The following DSC1 variants were observed in gnomAD, a reference collection of about 807,000 sequenced individuals.
DSC1 encodes the protein desmocollin-1.
DSC1 carries 79 observed loss-of-function variants against 98.8 expected under a neutral mutation model. The observed-to-expected ratio is 0.80, with a 90% confidence interval of 0.67 to 0.96. The LOEUF is 0.96. Ranked by LOEUF, DSC1 falls within the 50% of genes least tolerant of loss-of-function variation. The pLI, the probability that DSC1 is intolerant of heterozygous loss-of-function variation, is 0.00. For missense variants in DSC1, 1,115 were observed against 1,075.9 expected (o/e 1.04, Z -0.51); for synonymous variants, 405 against 372.1 (o/e 1.09, Z -1.02).
rs777440589 is a variant in DSC1, at chr18:31,145,645, A to T, written c.905T>A (p.Val302Asp). ...KHFSIHPDTG[V>D]ITTTTPFLDR... ...CAGAAAAGGTGTAGTTGTGGTGATG[A>T]CACCGGTATCTGGGTGTATGGAGAA... Residue 302 changes from valine to aspartate, a missense_variant, in exon 7 of 16, where the codon GTC becomes GAC. By Grantham distance (152) the Val-to-Asp change is radical (BLOSUM62 -3). Transcript: ENST00000257198. The T allele has an allele frequency of 5.6e-6, 9 of 1,614,152 alleles. No individual in the cohort carries two copies. The highest frequency in any genetic ancestry group is 7.6e-6 in the Non-Finnish European group (9 of 1,180,028).
rs780525930 is a variant in DSC1 at position 31,157,565 on chromosome 18, C to T, written c.157G>A (p.Glu53Lys). 3.7e-5 allele frequency: 59 copies of T among 1,614,022 alleles called. No individual in the cohort carries two copies. Among genetic ancestry groups the T allele is most frequent in the Non-Finnish European group, 4.9e-5 (58 of 1,180,012 alleles). Residue 53 changes from glutamate to lysine, a missense_variant, in exon 3 of 16, where the codon GAG becomes AAG. By Grantham distance (56) the Glu-to-Lys change is moderately conservative. Transcript: ENST00000257198. ...AETLVGKVNL[E>K]ECLKSASLIR... is the part of the protein sequence containing the mutation. The stretch of plus-strand genomic sequence containing the variant: ...AGGCTGGCCGACTTGAGACACTCCT[C>T]CAGATTCACTGCAGGGAAGAAATAT...
rs775869885 is a variant in DSC1, at chr18:31,130,680, T to C, written c.2519A>G (p.His840Arg). 6.2e-7 allele frequency: 1 copy of C among 1,614,196 alleles called. No homozygotes were observed. The highest frequency in any genetic ancestry group is 8.5e-7 in the Non-Finnish European group (1 of 1,180,028). The change falls in exon 16 of 16, where the codon CAT becomes CGT. Residue 840 changes from histidine (H) to arginine (R), a missense_variant. Coordinates refer to ENST00000257198, the MANE Select transcript of DSC1 (RefSeq NM_024421.2). ...ACAAACGTAGTCTTCACAATGTTTATGCTCCTCATCTTGTCCACACAAATA... is the reference window on the plus strand; with the variant it reads ...ACAAACGTAGTCTTCACAATGTTTACGCTCCTCATCTTGTCCACACAAATA... ...KVYLCGQDEE[H>R]KHCEDYVCSY...
intron 6 of DSC1, among the ~76,000 whole-genome samples, chr18:31,147,271 C>T (rs1045185587): frequency 6.6e-6 from 1 of 151,838 alleles, no homozygotes; most frequent in Non-Finnish European, 1.5e-5. Flanking sequence ...TGTATTGAAA[C>T]TTTATAAAGA....
At chr18:31,143,860 C>T in intron 7 of DSC1, 69 bp from the exon 8 acceptor site, 1 of 1,188,770 alleles carries the variant, frequency 8.4e-7, no homozygotes, top group South Asian at 1.8e-5. Flanking sequence ...CTCACAACCA[C>T]TTGTTTAGGC....
At chr18:31,131,416 G>T in intron 15 of DSC1, 178 bp downstream of exon 15, 1 of 877,450 alleles carries the variant, frequency 1.1e-6, no homozygotes, top group Non-Finnish European at 1.7e-6. Flanking sequence ...TTTCAAAGGT[G>T]AATTTTCAAA....
intron 13 of DSC1, among the ~76,000 whole-genome samples, chr18:31,133,260 C>CAGAA (rs371849453): frequency 3.3e-5 from 5 of 151,958 alleles, no homozygotes; most frequent in South Asian, 2.1e-4. Context: ...AAGAGAGAAA[C>CAGAA]AGAAAGAAAG....
Position 31,134,014 on chromosome 18 carries a change from ATACTCT to A in DSC1, c.1987_1992del (p.Arg663_Val664del). The A allele has an allele frequency of 6.2e-7, 1 of 1,613,332 alleles. No homozygotes were observed. The highest frequency in any genetic ancestry group is 8.5e-7 in the Non-Finnish European group (1 of 1,179,664). On this transcript the variant is annotated inframe_deletion, in exon 13 of 16. Transcript: ENST00000257198. ...CACTCAGATGGAGTTGAACAGTCAC[ATACTCT>A]CACTGTTAACATATGTGTTGCAACT...
intron 3 of DSC1, among the ~76,000 whole-genome samples, chr18:31,156,726 G>T (rs1989105467): frequency 1.3e-5 from 2 of 152,180 alleles, no homozygotes; most frequent in Non-Finnish European, 2.9e-5. Context: ...TTAAGAAATG[G>T]TTTTATAAGA....
Position 31,132,597 on chromosome 18 carries a change from T to A in DSC1, c.2209A>T (p.Asn737Tyr), listed in dbSNP as rs1222522551. 2 of 1,613,600 alleles carry A rather than the reference T, an allele frequency of 1.2e-6. No individual in the cohort carries two copies. The highest frequency in any genetic ancestry group is 1.1e-5 in the South Asian group (1 of 91,072). Residue 737 changes from asparagine (N) to tyrosine (Y), a missense_variant, in exon 14 of 16, where the codon AAT becomes TAT. Transcript: ENST00000257198. ...DIAQQNLIVS[N>Y]TEGPGEEVTE... is the part of the protein sequence containing the mutation. ...ACTTCTTCTCCAGGTCCTTCAGTATTTGATACAATTAAATTTTGCTGGGCT... is the reference window on the plus strand; with the variant it reads ...ACTTCTTCTCCAGGTCCTTCAGTATATGATACAATTAAATTTTGCTGGGCT...
intron 9 of DSC1, 87 bp downstream of exon 9, chr18:31,141,912 A>T: frequency 7.6e-7 from 1 of 1,312,670 alleles, no homozygotes; most frequent in Non-Finnish European, 1.0e-6. Context: ...GCAGTAGTCT[A>T]GTCATATACA....
At chr18:31,136,606 C>G (rs1384486489) in intron 11 of DSC1, among the ~76,000 whole-genome samples, 1 of 152,168 alleles carries the variant, frequency 6.6e-6, no homozygotes, top group Non-Finnish European at 1.5e-5. Context: ...CTTTTGGCTT[C>G]CCTGGGCCAC....
chr18:31,142,777 A>G (rs1988763712), intron 8 of DSC1, among the ~76,000 whole-genome samples: 1 of 152,172 alleles, frequency 6.6e-6, no homozygotes, highest in Non-Finnish European at 1.5e-5. Flanking sequence ...TGTTAGAGAT[A>G]GAAGGTGAAT....
chr18:31,155,440 G>A (rs1334680363), intron 4 of DSC1, among the ~76,000 whole-genome samples: 1 of 152,058 alleles, frequency 6.6e-6, no homozygotes, highest in East Asian at 1.9e-4. Flanking sequence ...GACCAAACTG[G>A]TCAACATGGC....
At chr18:31,154,671 A>G (rs1387906064) in intron 5 of DSC1, 103 bp downstream of exon 5, 3 of 1,084,870 alleles carry the variant, frequency 2.8e-6, no homozygotes, top group Non-Finnish European at 3.8e-6. Flanking sequence ...TTGAATATTA[A>G]ATCAAATAAT....
intron 7 of DSC1, among the ~76,000 whole-genome samples, chr18:31,144,474 A>G (rs529923132): frequency 3.9e-5 from 6 of 152,364 alleles, no homozygotes; most frequent in African/African-American, 1.4e-4. Flanking sequence ...GAAATTTAAA[A>G]GCATATTACT....
intron 12 of DSC1, 148 bp from the exon 13 acceptor site, chr18:31,134,278 G>T (rs1988560510): frequency 9.2e-7 from 1 of 1,089,446 alleles, no homozygotes; most frequent in East Asian, 2.6e-5. Context: ...TCCCAGAAGA[G>T]CCAGAAAAGT....
intron 12 of DSC1, 40 bp from the exon 13 acceptor site, chr18:31,134,170 T>C (rs781757361): frequency 1.3e-6 from 2 of 1,587,376 alleles, no homozygotes; most frequent in South Asian, 1.1e-5. Flanking sequence ...GATTGGCTGT[T>C]TAGATGGCAG....
intron 2 of DSC1, 32 bp downstream of exon 2, chr18:31,159,413 A>G (rs1454850872): frequency 6.3e-7 from 1 of 1,599,780 alleles, no homozygotes; most frequent in East Asian, 2.2e-5. Context: ...GTGACAAGTT[A>G]CAGCTATGAA....
rs114274263 is a variant in DSC1 at position 31,131,601 on chromosome 18, A to G, written c.2480T>C (p.Leu827Pro). The change falls in exon 15 of 16, where the codon CTT (leucine) becomes CCT (proline). Residue 827 changes from leucine (L) to proline (P), a missense_variant. Transcript: ENST00000257198. ...AAAGACAGTGGAACTTACTTCGCCA[A>G]GCCGAGGTTGGGTGAAACTCTGCCA... is the stretch of plus-strand genomic sequence containing the variant. Reference protein sequence around the residue: ...TDWQSFTQPRLGEKVYLCGQD... With the variant: ...TDWQSFTQPRPGEKVYLCGQD... The G allele has an allele frequency of 5.6e-6, 9 of 1,614,060 alleles. 1 individual carries two copies. In the East Asian group the frequency reaches 1.8e-4, roughly 32 times the overall value.
Sources: gnomAD v4.1 joint callset for allele counts (sites outside exome capture counted in the v4.1 genomes callset) on GRCh38, gnomAD v4.1.1 for gene constraint, MANE v1.5 for transcripts, NCBI Gene and HGNC (gene_info 2026-07-23, HGNC 2026-07-21) for gene names.